SLC28A1: variants seen among roughly 807,000 people sequenced by gnomAD.
SLC28A1 encodes sodium/nucleoside cotransporter 1.
SLC28A1 carries 64 observed loss-of-function variants against 74.8 expected under a neutral mutation model. The ratio of observed to expected loss-of-function variants is 0.86; its 90% CI spans 0.70 to 1.05. The LOEUF is 1.05. SLC28A1 is among the 50% of genes least tolerant of loss of function. SLC28A1 has a pLI of 0.00. For synonymous variants in SLC28A1, 359 were observed against 335.0 expected, an observed-to-expected ratio of 1.07 and a Z score of -0.78; for missense variants, 828 against 822.8, an observed-to-expected ratio of 1.01 and a Z score of -0.08.
the SLC28A1 span, among the ~76,000 whole-genome samples, chr15:84,956,446 T>TTCCTTCCTTCCTTCCTTCCTTC: frequency 1.3e-3 from 111 of 84,518 alleles, no homozygotes; most frequent in African/African-American, 4.2e-3. Context: ...TTCCTTCCTT[T>TTCCTTCCTTCCTTCCTTCCTTC]CTTTCTTTCT....
chr15:84,928,245 C>A (rs774106780), intron 12 of SLC28A1, among the ~76,000 whole-genome samples: 5 of 152,158 alleles, frequency 3.3e-5, no homozygotes, highest in Non-Finnish European at 5.9e-5. Flanking sequence ...TTTACAGTCT[C>A]TGGTTTGAAA....
intron 8 of SLC28A1, among the ~76,000 whole-genome samples, chr15:84,907,854 G>T (rs1201689866): frequency 6.6e-6 from 1 of 152,194 alleles, no homozygotes; most frequent in Non-Finnish European, 1.5e-5. Context: ...TAACTGTACA[G>T]GGTGTGGAGG....
the SLC28A1 span, among the ~76,000 whole-genome samples, chr15:84,967,801 T>G: frequency 6.6e-6 from 1 of 152,154 alleles, no homozygotes. Context: ...AATACTGGCT[T>G]CAGGTGCACC....
rs771695826 is a variant in SLC28A1, at chr15:84,888,843, G to A, written c.168G>A (p.Pro56=). The A allele has an allele frequency of 2.3e-5, 35 of 1,552,350 alleles. No individual in the cohort carries two copies. The highest frequency in any genetic ancestry group is 2.6e-5 in the Non-Finnish European group (30 of 1,147,382). ...GGAGCAGCTGGAGCGAGGCGGCGCCGAAGCCCTTCTCCAGATGGTAGGTGA... is the reference window on the plus strand; with the variant it reads ...GGAGCAGCTGGAGCGAGGCGGCGCCAAAGCCCTTCTCCAGATGGTAGGTGA... ...EIRSSWSEAA[P]KPFSRWRNLQ... Residue 56 remains proline, a synonymous_variant, in exon 4 of 19, where the codon CCG becomes CCA. Transcript: ENST00000394573.
chr15:84,907,469 G>A (rs1266950932), intron 8 of SLC28A1, among the ~76,000 whole-genome samples: 6 of 152,100 alleles, frequency 3.9e-5, no homozygotes, highest in African/African-American at 1.4e-4. Flanking sequence ...ATAGGCATAA[G>A]CCACCATGCT....
the SLC28A1 span, among the ~76,000 whole-genome samples, chr15:84,966,188 C>T: frequency 1.3e-5 from 2 of 152,184 alleles, no homozygotes; most frequent in Non-Finnish European, 1.5e-5. Flanking sequence ...AGCGATTCTT[C>T]TGCCTCAGCC....
At chr15:84,944,522 G>C (rs566803621) in intron 16 of SLC28A1, 44 bp from the exon 17 acceptor site, 2 of 1,390,966 alleles carry the variant, frequency 1.4e-6, no homozygotes, top group South Asian at 2.3e-5. Flanking sequence ...CGGGCAGAGA[G>C]GGACACAGCT....
the SLC28A1 span, among the ~76,000 whole-genome samples, chr15:84,970,563 G>C: frequency 6.6e-6 from 1 of 152,186 alleles, no homozygotes; most frequent in Admixed American, 6.5e-5. Context: ...ACCTGAGCTT[G>C]AGCGAGATTT....
At chr15:84,899,717 A>T (rs1209999396) in intron 6 of SLC28A1, among the ~76,000 whole-genome samples, 1 of 152,144 alleles carries the variant, frequency 6.6e-6, no homozygotes, top group Non-Finnish European at 1.5e-5. Context: ...AATTTTTCAG[A>T]CATAAAAAGC....
downstream of SLC28A1, among the ~76,000 whole-genome samples, chr15:84,946,412 A>G (rs1341307044): frequency 6.6e-6 from 1 of 151,946 alleles, no homozygotes; most frequent in Admixed American, 6.6e-5. Flanking sequence ...TCAGCGCTTT[A>G]TATATTTTAA....
intron 15 of SLC28A1, among the ~76,000 whole-genome samples, chr15:84,941,968 T>A (rs1972776150): frequency 1.3e-5 from 2 of 152,214 alleles, no homozygotes; most frequent in African/African-American, 2.4e-5. Context: ...CTTAGTTACT[T>A]AACCTCTCTG....
At chr15:84,932,388 G>T (rs1971415513) in intron 12 of SLC28A1, among the ~76,000 whole-genome samples, 1 of 152,182 alleles carries the variant, frequency 6.6e-6, no homozygotes, top group African/African-American at 2.4e-5. Context: ...CTTCAGGAAG[G>T]GAGAATCCCA....
chr15:84,908,608 T>C, intron 8 of SLC28A1, 110 bp from the exon 9 acceptor site: 1 of 850,456 alleles, frequency 1.2e-6, no homozygotes, highest in Non-Finnish European at 2.0e-6. Flanking sequence ...GATAAGGGCC[T>C]GGGGGGACTA....
chr15:84,937,490 G>A (rs1972069965), intron 15 of SLC28A1, among the ~76,000 whole-genome samples: 1 of 152,144 alleles, frequency 6.6e-6, no homozygotes, highest in African/African-American at 2.4e-5. Flanking sequence ...GCAAATAATA[G>A]CTCATTGTTT....
intron 5 of SLC28A1, among the ~76,000 whole-genome samples, chr15:84,891,353 C>T (rs1965348358): frequency 6.6e-6 from 1 of 152,076 alleles, no homozygotes; most frequent in Non-Finnish European, 1.5e-5. Flanking sequence ...TTAGGGCTGC[C>T]CCAGGGGCCT....
At chr15:84,890,600 G>T (rs1282463390) in intron 5 of SLC28A1, 66 bp downstream of exon 5, 2 of 1,297,650 alleles carry the variant, frequency 1.5e-6, no homozygotes, top group Non-Finnish European at 2.2e-6. Flanking sequence ...ATGTCTCAGG[G>T]CAGGGTCATT....
chr15:84,894,884 G>GAA, intron 5 of SLC28A1, 56 bp from the exon 6 acceptor site: 1 of 1,564,492 alleles, frequency 6.4e-7, no homozygotes, highest in Non-Finnish European at 8.8e-7. Flanking sequence ...CGGGGCTGCA[G>GAA]GGTTCTGAAG....
rs1567195262 is a variant in SLC28A1 at position 84,945,411 on chromosome 15, T to C, written c.*211T>C. 3.4e-6 allele frequency: 2 copies of C among 593,030 alleles called. No homozygotes were observed. The highest frequency in any genetic ancestry group is 6.2e-6 in the Non-Finnish European group (2 of 324,702). The allele number at this position is 593,030 out of a possible 1,614,324, so 36.7% of individuals were successfully genotyped here. A position where few individuals can be genotyped will look rare whatever the true frequency, so the allele number is the denominator to read the frequency against. The stretch of plus-strand genomic sequence containing the variant: ...ACATGTCCCACTCCATCCCCCTTCC[T>C]GCTCCCCCATTTCCTAACTCCCCCA... On this transcript the variant is annotated 3_prime_UTR_variant, in exon 19 of 19. Transcript: ENST00000394573.
intron 6 of SLC28A1, among the ~76,000 whole-genome samples, chr15:84,897,757 C>A (rs1438893538): frequency 6.6e-6 from 1 of 152,150 alleles, no homozygotes; most frequent in Admixed American, 6.6e-5. Context: ...ATATTTGTAC[C>A]CATTAATCAA....
Sources: gnomAD v4.1 joint callset for allele counts (sites outside exome capture counted in the v4.1 genomes callset) on GRCh38, gnomAD v4.1.1 for gene constraint, MANE v1.5 for transcripts, NCBI Gene and HGNC (gene_info 2026-07-23, HGNC 2026-07-21) for gene names.